PRKCB: variants seen among roughly 807,000 people sequenced by gnomAD.
PRKCB encodes protein kinase C beta type.
Under a neutral mutation model 81.5 loss-of-function variants are expected in PRKCB, and 13 were observed. The ratio of observed to expected loss-of-function variants is 0.16; its 90% CI spans 0.10 to 0.25. The LOEUF is 0.25. Among genes scored for constraint, PRKCB ranks in the 10% least tolerant of loss-of-function variants. PRKCB has a pLI of 1.00. For synonymous variants in PRKCB, 335 were observed against 321.4 expected, an observed-to-expected ratio of 1.04 and a Z score of -0.45; for missense variants, 509 against 875.7, an observed-to-expected ratio of 0.58 and a Z score of 5.29.
At chr16:24,014,342 A>T (rs1965247365) in intron 3 of PRKCB, among the ~76,000 whole-genome samples, 1 of 151,988 alleles carries the variant, frequency 6.6e-6, no homozygotes, top group Admixed American at 6.6e-5. Flanking sequence ...TGTGGGTGTG[A>T]TCCGTTGCCA....
chr16:24,018,889 T>C (rs1965322001), intron 3 of PRKCB, among the ~76,000 whole-genome samples: 1 of 152,244 alleles, frequency 6.6e-6, no homozygotes, highest in African/African-American at 2.4e-5. Flanking sequence ...CCACTTTTCA[T>C]GCTCAGACAA....
At chr16:23,849,127 T>C (rs1413092847) in intron 2 of PRKCB, among the ~76,000 whole-genome samples, 1 of 152,248 alleles carries the variant, frequency 6.6e-6, no homozygotes, top group East Asian at 1.9e-4. Context: ...AACACTTTAA[T>C]TTGTGGGAAA....
intron 2 of PRKCB, among the ~76,000 whole-genome samples, chr16:23,929,199 C>T (rs749634957): frequency 3.3e-5 from 5 of 152,082 alleles, no homozygotes; most frequent in Non-Finnish European, 5.9e-5. Context: ...TCTAGGCGGC[C>T]GAAGGACATT....
Position 24,112,963 on chromosome 16 carries a change from C to A in PRKCB, c.822-10C>A. 1 of 1,589,258 alleles carries A rather than the reference C, an allele frequency of 6.3e-7. No individual in the cohort carries two copies. The highest frequency in any genetic ancestry group is 8.6e-7 in the Non-Finnish European group (1 of 1,165,862). ...CATGAAATGTGTCCCACCCCCTTGT[C>A]TCCCTTCAGGTTTAAGTTACTGAGC... On this transcript the variant is annotated splice_polypyrimidine_tract_variant and intron_variant, in intron 7 of 16. Coordinates refer to ENST00000643927, the MANE Select transcript of PRKCB (RefSeq NM_002738.7).
intron 2 of PRKCB, among the ~76,000 whole-genome samples, chr16:23,982,902 G>A (rs1216554359): frequency 7.9e-5 from 12 of 152,136 alleles, no homozygotes; most frequent in Admixed American, 7.9e-4. Flanking sequence ...CTGGCCCCTA[G>A]GCATTTGAGT....
chr16:24,211,855 C>G (rs183087067), intron 16 of PRKCB, among the ~76,000 whole-genome samples: 1 of 152,098 alleles, frequency 6.6e-6, no homozygotes, highest in Non-Finnish European at 1.5e-5. Context: ...CCACCGCGCC[C>G]GGCCCCAGAC....
intron 7 of PRKCB, among the ~76,000 whole-genome samples, chr16:24,104,638 G>C (rs1480589517): frequency 6.6e-6 from 1 of 152,180 alleles, no homozygotes; most frequent in Non-Finnish European, 1.5e-5. Context: ...AGGTAACATA[G>C]AGCAAAGATC....
chr16:23,891,284 C>T (rs928251063), intron 2 of PRKCB, among the ~76,000 whole-genome samples: 3 of 152,048 alleles, frequency 2.0e-5, no homozygotes, highest in African/African-American at 2.4e-5. Flanking sequence ...AACTCCTGGG[C>T]TCAAGCAATC....
At chr16:24,051,283 C>T (rs1965839104) in intron 5 of PRKCB, among the ~76,000 whole-genome samples, 1 of 152,158 alleles carries the variant, frequency 6.6e-6, no homozygotes, top group African/African-American at 2.4e-5. Flanking sequence ...GGCGGGAAAC[C>T]AGCCTTAGGG....
chr16:24,182,166 T>G (rs1967636662), intron 13 of PRKCB, among the ~76,000 whole-genome samples: 1 of 152,132 alleles, frequency 6.6e-6, no homozygotes, highest in Admixed American at 6.5e-5. Flanking sequence ...GGCCAGGGGT[T>G]CCATAATCTC....
chr16:24,106,683 G>C (rs989256235), intron 7 of PRKCB, among the ~76,000 whole-genome samples: 1 of 152,026 alleles, frequency 6.6e-6, no homozygotes, highest in Non-Finnish European at 1.5e-5. Flanking sequence ...TATCAATCTT[G>C]TATGAAACTT....
At chr16:24,068,126 A>T (rs13329906) in intron 5 of PRKCB, among the ~76,000 whole-genome samples, 2,491 of 152,118 alleles carry the variant, frequency 0.016, 69 homozygotes, top group African/African-American at 0.056. Context: ...TCTGAGGCTG[A>T]AGACTTGCCA....
At chr16:23,917,297 G>T (rs764334662) in intron 2 of PRKCB, among the ~76,000 whole-genome samples, 4 of 152,080 alleles carry the variant, frequency 2.6e-5, no homozygotes, top group Admixed American at 6.5e-5. Flanking sequence ...TGCCCGAGCT[G>T]GTCTCAAACT....
At chr16:24,193,920 G>A (rs1967837529) in intron 16 of PRKCB, among the ~76,000 whole-genome samples, 4 of 152,230 alleles carry the variant, frequency 2.6e-5, no homozygotes, top group Admixed American at 2.6e-4. Flanking sequence ...GCTGTGGGAT[G>A]CAGCAGACCT....
At chr16:24,213,014 T>A (rs555594218) in intron 16 of PRKCB, among the ~76,000 whole-genome samples, 2 of 126,740 alleles carry the variant, frequency 1.6e-5, no homozygotes, top group African/African-American at 2.7e-5. Context: ...GTATATTTAT[T>A]TATTTATTTA....
intron 9 of PRKCB, among the ~76,000 whole-genome samples, chr16:24,131,843 T>C (rs1966853760): frequency 6.6e-6 from 1 of 152,342 alleles, no homozygotes; most frequent in African/African-American, 2.4e-5. Context: ...TGTCATAAAA[T>C]CTTACACTTA....
intron 3 of PRKCB, among the ~76,000 whole-genome samples, chr16:23,989,579 T>C (rs1322608015): frequency 1.3e-5 from 2 of 152,246 alleles, no homozygotes; most frequent in Admixed American, 1.3e-4. Flanking sequence ...GTAGTGGTTT[T>C]GCATTTATGA....
At chr16:23,870,142 T>C (rs768231485) in intron 2 of PRKCB, among the ~76,000 whole-genome samples, 3 of 152,310 alleles carry the variant, frequency 2.0e-5, no homozygotes, top group Middle Eastern at 3.4e-3. Flanking sequence ...TTGGCAAATA[T>C]TAGAATGGTG....
At chr16:23,877,789 C>T (rs1160614949) in intron 2 of PRKCB, among the ~76,000 whole-genome samples, 1 of 151,440 alleles carries the variant, frequency 6.6e-6, no homozygotes, top group Non-Finnish European at 1.5e-5. Context: ...GTGGTATCAG[C>T]TTATTTAAGA....
Sources: gnomAD v4.1 joint callset for allele counts (sites outside exome capture counted in the v4.1 genomes callset) on GRCh38, gnomAD v4.1.1 for gene constraint, MANE v1.5 for transcripts, NCBI Gene and HGNC (gene_info 2026-07-23, HGNC 2026-07-21) for gene names.